Variants in ARHGEF28 observed in about 807,000 individuals in gnomAD.
ARHGEF28 encodes the protein 190 kDa guanine nucleotide exchange factor.
In ARHGEF28, 152 loss-of-function variants were observed where a neutral mutation model predicts 206.6. That is an observed-to-expected ratio of 0.74 (90% CI 0.64 to 0.84). ARHGEF28 has a LOEUF of 0.84. Among genes scored for constraint, ARHGEF28 ranks in the 40% least tolerant of loss-of-function variants. ARHGEF28 has a pLI of 0.00. For missense variants in ARHGEF28, 2,028 were observed against 2,073.2 expected (o/e 0.98, Z 0.42); for synonymous variants, 763 against 776.4 (o/e 0.98, Z 0.29).
chr5:73,721,578 A>AT (rs545011843), intron 2 of ARHGEF28, among the ~76,000 whole-genome samples: 18 of 149,840 alleles, frequency 1.2e-4, no homozygotes, highest in Admixed American at 3.3e-4. Context: ...GGCTAGCTGA[A>AT]TTTTTTTTTT....
At chr5:73,755,069 G>A (rs1413237629) in intron 4 of ARHGEF28, among the ~76,000 whole-genome samples, 7 of 151,350 alleles carry the variant, frequency 4.6e-5, no homozygotes, top group African/African-American at 1.7e-4. Context: ...TTATATACAA[G>A]GGAATTGCAA....
intron 4 of ARHGEF28, among the ~76,000 whole-genome samples, chr5:73,755,652 C>T (rs566163891): frequency 6.6e-5 from 10 of 152,130 alleles, no homozygotes; most frequent in Admixed American, 2.6e-4. Flanking sequence ...GTATTTAATC[C>T]GTGGATTGCA....
rs140925593 is a variant in ARHGEF28 at position 73,706,123 on chromosome 5, A to G, written c.33+21239A>G. On this transcript the variant is annotated intron_variant, in intron 2 of 35. Coordinates refer to ENST00000513042, the MANE Select transcript of ARHGEF28 (RefSeq NM_001177693.2). ...TCACACCCTTGGGCCACACTCCTTC[A>G]GGCAGCCTTCTTGTCCGAAGGAACT... 3.6e-3 allele frequency among the ~76,000 whole-genome samples: 546 copies of G among 152,328 alleles called. 3 individuals carry two copies. Among genetic ancestry groups the G allele is most frequent in the African/African-American group, 0.013 (530 of 41,558 alleles).
intron 2 of ARHGEF28, among the ~76,000 whole-genome samples, chr5:73,723,015 T>C (rs1750053040): frequency 6.6e-6 from 1 of 152,222 alleles, no homozygotes; most frequent in Admixed American, 6.5e-5. Context: ...AGTATGAAGA[T>C]ATATTTTAGT....
chr5:73,700,207 G>T (rs1748510553), intron 2 of ARHGEF28, among the ~76,000 whole-genome samples: 1 of 152,258 alleles, frequency 6.6e-6, no homozygotes, highest in South Asian at 2.1e-4. Context: ...AAATATGGTG[G>T]TTTTTTAAAA....
intron 22 of ARHGEF28, among the ~76,000 whole-genome samples, chr5:73,875,637 T>A (rs1289611782): frequency 4.0e-5 from 6 of 151,794 alleles, no homozygotes; most frequent in South Asian, 2.1e-4. Context: ...TTTCTACATA[T>A]GGCTAGCCAG....
intron 35 of ARHGEF28, among the ~76,000 whole-genome samples, chr5:73,927,247 T>C (rs187228938): frequency 2.0e-4 from 30 of 151,202 alleles, no homozygotes; most frequent in Middle Eastern, 3.5e-3. Context: ...CATGGCGGAG[T>C]GCACCTATAG....
chr5:73,762,063 G>C (rs1479824782), intron 4 of ARHGEF28, among the ~76,000 whole-genome samples: 1 of 151,058 alleles, frequency 6.6e-6, no homozygotes, highest in East Asian at 2.0e-4. Context: ...CAACTCCTGG[G>C]CTCAAACGAT....
intron 2 of ARHGEF28, among the ~76,000 whole-genome samples, chr5:73,708,931 C>T (rs1348743294): frequency 6.6e-6 from 1 of 152,170 alleles, no homozygotes; most frequent in Non-Finnish European, 1.5e-5. Flanking sequence ...TATCTCATCT[C>T]TCTAACGATT....
At chr5:73,926,801 C>G (rs1318601178) in intron 35 of ARHGEF28, among the ~76,000 whole-genome samples, 2 of 152,184 alleles carry the variant, frequency 1.3e-5, no homozygotes, top group Non-Finnish European at 2.9e-5. Flanking sequence ...GCAGGATATT[C>G]TGCTTTTATT....
chr5:73,637,463 A>C (rs538598346), intron 1 of ARHGEF28, among the ~76,000 whole-genome samples: 8 of 152,354 alleles, frequency 5.3e-5, no homozygotes, highest in African/African-American at 1.9e-4. Flanking sequence ...ACTTGTGCTT[A>C]TAAAAAGGTA....
At chr5:73,813,475 A>G in intron 9 of ARHGEF28, 3 of 1,475,108 alleles carry the variant, frequency 2.0e-6, no homozygotes, top group Non-Finnish European at 2.7e-6. Context: ...TATTTCATCC[A>G]ATCTCATTCC....
intron 2 of ARHGEF28, among the ~76,000 whole-genome samples, chr5:73,719,172 C>A (rs1340181232): frequency 6.6e-6 from 1 of 152,170 alleles, no homozygotes; most frequent in Non-Finnish European, 1.5e-5. Flanking sequence ...TATCCTAAGG[C>A]AGCCATCTTC....
chr5:73,827,628 A>C lies in ARHGEF28; in HGVS notation c.1025-4710A>C, dbSNP rs529576847. On this transcript the variant is annotated intron_variant, in intron 9 of 35. Coordinates refer to ENST00000513042, the MANE Select transcript of ARHGEF28 (RefSeq NM_001177693.2). ...GTAGAGACTTGAACCCAGGCAGTTC[A>C]GGGCTCATGCTTTTAACCACTGCAA... Among the ~76,000 whole-genome samples, 5 of 152,350 alleles carry C rather than the reference A, an allele frequency of 3.3e-5. No individual in the cohort carries two copies. In the East Asian group the frequency reaches 9.6e-4, roughly 29 times the overall value.
intron 22 of ARHGEF28, among the ~76,000 whole-genome samples, chr5:73,877,305 T>C (rs1266210851): frequency 6.6e-6 from 1 of 150,458 alleles, no homozygotes; most frequent in Admixed American, 6.6e-5. Flanking sequence ...ATTTGATTCT[T>C]CTCTCTTTTC....
At chr5:73,786,282 A>G (rs915894649) in intron 7 of ARHGEF28, 4 of 152,188 alleles carry the variant, frequency 2.6e-5, no homozygotes, top group Non-Finnish European at 5.9e-5. Flanking sequence ...CACTTTATGC[A>G]TGAGAAAGTG....
At chr5:73,821,713 T>C (rs1442092750) in intron 9 of ARHGEF28, among the ~76,000 whole-genome samples, 1 of 152,188 alleles carries the variant, frequency 6.6e-6, no homozygotes, top group Non-Finnish European at 1.5e-5. Flanking sequence ...TTTTCCTTGA[T>C]GTGGACTAAT....
At chr5:73,813,065 G>C (rs574690618) in intron 9 of ARHGEF28, among the ~76,000 whole-genome samples, 283 of 152,184 alleles carry the variant, frequency 1.9e-3, no homozygotes, top group Middle Eastern at 0.014. Flanking sequence ...TTTGCCTGGG[G>C]ATCAAGCTTT....
At chr5:73,849,909 C>T (rs1394395385) in intron 13 of ARHGEF28, among the ~76,000 whole-genome samples, 2 of 151,790 alleles carry the variant, frequency 1.3e-5, no homozygotes, top group African/African-American at 4.8e-5. Context: ...AAATTTTTGT[C>T]AATGTCTTAG....
Sources: allele counts gnomAD v4.1 joint callset (sites outside exome capture counted in the v4.1 genomes callset), GRCh38; gene constraint gnomAD v4.1.1; transcripts MANE v1.5; gene names NCBI Gene and HGNC (gene_info 2026-07-23, HGNC 2026-07-21).